The following SOX5 variants were observed in gnomAD, a reference collection of about 807,000 sequenced individuals.
The protein encoded by SOX5 is transcription factor SOX-5.
A neutral mutation model predicts 92.0 loss-of-function variants in SOX5; 9 were observed. The ratio of observed to expected loss-of-function variants is 0.10; its 90% CI spans 0.06 to 0.17. SOX5 has a LOEUF of 0.17. SOX5 is among the 10% of genes least tolerant of loss of function. The pLI is 1.00. For missense variants in SOX5, 642 were observed against 944.5 expected (o/e 0.68, Z 4.20); for synonymous variants, 344 against 336.3 (o/e 1.02, Z -0.25).
At chr12:24,450,264 T>C (rs957373381) in intron 1 of SOX5, among the ~76,000 whole-genome samples, 4 of 152,180 alleles carry the variant, frequency 2.6e-5, no homozygotes, top group Non-Finnish European at 5.9e-5. Context: ...GTAAGTAATG[T>C]GTGGGGTTTC....
At chr12:23,778,799 A>T (rs144297515) in intron 3 of SOX5, among the ~76,000 whole-genome samples, 1 of 152,184 alleles carries the variant, frequency 6.6e-6, no homozygotes, top group Non-Finnish European at 1.5e-5. Context: ...CTTCTTCTTC[A>T]TAAGAGAGTG....
chr12:24,252,376 T>C (rs1039511364), intron 3 of SOX5, among the ~76,000 whole-genome samples: 2 of 152,148 alleles, frequency 1.3e-5, no homozygotes, highest in African/African-American at 2.4e-5. Context: ...CGTTTTTACA[T>C]AGAGAATGTG....
At chr12:23,915,474 T>C (rs2097403670) in intron 1 of SOX5, among the ~76,000 whole-genome samples, 1 of 152,178 alleles carries the variant, frequency 6.6e-6, no homozygotes, top group South Asian at 2.1e-4. Flanking sequence ...AAGCTAAGAT[T>C]TCTGAATCTT....
intron 4 of SOX5, among the ~76,000 whole-genome samples, chr12:24,012,982 T>C (rs1444118405): frequency 1.3e-5 from 2 of 152,170 alleles, no homozygotes; most frequent in Admixed American, 1.3e-4. Context: ...ATCACTTCAT[T>C]CCCATGAAAG....
chr12:24,518,347 G>A (rs576598456), intron 1 of SOX5, among the ~76,000 whole-genome samples: 53 of 152,122 alleles, frequency 3.5e-4, no homozygotes, highest in Admixed American at 2.7e-3. Flanking sequence ...GGGACTACAC[G>A]CATGAGCCAC....
chr12:23,922,829 T>C (rs1381372606), intron 1 of SOX5, among the ~76,000 whole-genome samples: 1 of 152,190 alleles, frequency 6.6e-6, no homozygotes, highest in Non-Finnish European at 1.5e-5. Flanking sequence ...TCTAGTGACA[T>C]TGCAGTCTCG....
At chr12:24,520,930 G>T (rs1341170752) in intron 1 of SOX5, among the ~76,000 whole-genome samples, 1 of 152,020 alleles carries the variant, frequency 6.6e-6, no homozygotes, top group Non-Finnish European at 1.5e-5. Context: ...TGACAAAAAG[G>T]TCAATTCAAC....
intron 4 of SOX5, among the ~76,000 whole-genome samples, chr12:23,744,140 A>C (rs2093901133): frequency 6.6e-6 from 1 of 151,988 alleles, no homozygotes; most frequent in African/African-American, 2.4e-5. Flanking sequence ...TTTTCTTCTC[A>C]ATCTTTTTCA....
intron 1 of SOX5, among the ~76,000 whole-genome samples, chr12:24,435,545 T>C (rs1320805855): frequency 1.3e-5 from 2 of 152,192 alleles, no homozygotes; most frequent in African/African-American, 2.4e-5. Flanking sequence ...AGGAAAGACA[T>C]GTCTAGCACA....
chr12:23,587,842 G>A (rs918674488), intron 9 of SOX5, among the ~76,000 whole-genome samples: 1 of 152,068 alleles, frequency 6.6e-6, no homozygotes, highest in East Asian at 1.9e-4. Flanking sequence ...AAGTGAAGGA[G>A]AGGATGGAAA....
In SOX5 at chr12:24,000,420, G is replaced by C. The variant is rs902291226; in HGVS notation, c.-1-104396C>G. Among the ~76,000 whole-genome samples, 3 of 151,980 alleles carry C rather than the reference G, an allele frequency of 2.0e-5. No individual in the cohort carries two copies. In the East Asian group the frequency reaches 5.8e-4, roughly 29 times the overall value. The stretch of plus-strand genomic sequence containing the variant: ...TACTGTAATAATAGCACAAGTGGGG[G>C]AAAGATTGAACTATATTGAAGAAAA... On this transcript the variant is annotated intron_variant, in intron 4 of 4. Transcript: ENST00000446891.
chr12:24,536,709 C>T (rs955449850), intron 1 of SOX5, among the ~76,000 whole-genome samples: 1 of 152,106 alleles, frequency 6.6e-6, no homozygotes, highest in African/African-American at 2.4e-5. Flanking sequence ...TCTTGAAAAC[C>T]TTTGTCATTT....
chr12:23,575,370 C>G (rs943748621), intron 10 of SOX5, among the ~76,000 whole-genome samples: 5 of 152,184 alleles, frequency 3.3e-5, no homozygotes, highest in African/African-American at 9.7e-5. Flanking sequence ...CATTCTGGAA[C>G]CATCATTGCT....
intron 1 of SOX5, among the ~76,000 whole-genome samples, chr12:24,450,453 C>T (rs1378256655): frequency 1.3e-5 from 2 of 151,428 alleles, no homozygotes; most frequent in Non-Finnish European, 2.9e-5. Flanking sequence ...ATATCCATTA[C>T]TTCGAGTGTG....
chr12:23,970,826 T>TATATATATA (rs1392995616), intron 4 of SOX5, among the ~76,000 whole-genome samples: 1 of 25,782 alleles, frequency 3.9e-5, no homozygotes, highest in Non-Finnish European at 7.7e-5. Flanking sequence ...ACATGGGACT[T>TATATATATA]TATATATATA....
chr12:23,961,108 C>G (rs186141128), intron 4 of SOX5, among the ~76,000 whole-genome samples: 2 of 152,090 alleles, frequency 1.3e-5, no homozygotes, highest in East Asian at 1.9e-4. Context: ...TTTTCAGATG[C>G]CTGAAAGTTA....
chr12:24,104,817 G>A (rs961589984), intron 4 of SOX5, among the ~76,000 whole-genome samples: 1 of 152,130 alleles, frequency 6.6e-6, no homozygotes, highest in Non-Finnish European at 1.5e-5. Flanking sequence ...TATAACAGTT[G>A]GGTTTTATGT....
At chr12:24,079,864 A>G (rs1027114263) in intron 4 of SOX5, among the ~76,000 whole-genome samples, 2 of 151,972 alleles carry the variant, frequency 1.3e-5, no homozygotes, top group Non-Finnish European at 2.9e-5. Context: ...CTGTATTTTA[A>G]TAAGTGATTA....
At chr12:24,115,998 T>C (rs1398670484) in intron 4 of SOX5, among the ~76,000 whole-genome samples, 1 of 152,050 alleles carries the variant, frequency 6.6e-6, no homozygotes, top group Non-Finnish European at 1.5e-5. Flanking sequence ...ACACAATTAA[T>C]AGCAATATTA....
Sources: gnomAD v4.1 joint callset for allele counts (sites outside exome capture counted in the v4.1 genomes callset) on GRCh38, gnomAD v4.1.1 for gene constraint, MANE v1.5 for transcripts, NCBI Gene and HGNC (gene_info 2026-07-23, HGNC 2026-07-21) for gene names.